COG1: variants seen among roughly 807,000 people sequenced by gnomAD.
The protein encoded by COG1 is component of oligomeric golgi complex 1, also known as conserved oligomeric Golgi complex subunit 1.
Under a neutral mutation model 102.2 loss-of-function variants are expected in COG1, and 61 were observed. That is an observed-to-expected ratio of 0.60 (90% CI 0.49 to 0.74). The LOEUF (loss-of-function observed/expected upper bound fraction) is 0.74, where lower values mean the gene tolerates loss of function less well. Ranked by LOEUF, COG1 falls within the 30% of genes least tolerant of loss-of-function variation. The probability of loss-of-function intolerance (pLI) is 0.00; values close to 1 mark genes in which losing one functional copy is unlikely to be tolerated. For synonymous variants in COG1, 454 were observed against 493.6 expected (o/e 0.92, Z 1.06); for missense variants, 1,164 against 1,232.1 (o/e 0.94, Z 0.83).
rs754593454 is a variant in COG1, at chr17:73,196,706, G to A, written c.515G>A (p.Arg172Gln). The A allele has an allele frequency of 1.8e-5, 29 of 1,613,826 alleles. No homozygotes were observed. The highest frequency in any genetic ancestry group is 1.3e-4 in the South Asian group (12 of 91,080). The part of the protein sequence containing the change: ...SSSRYSPVLS[R>Q]FPILIRQVAA... ...TCCCGATACAGTCCCGTCCTCTCCCGGTTTCCTATACTCATCCGGCAGGTG... is the reference window on the plus strand; with the variant it reads ...TCCCGATACAGTCCCGTCCTCTCCCAGTTTCCTATACTCATCCGGCAGGTG... Residue 172 changes from arginine (R) to glutamine (Q), a missense_variant, in exon 2 of 14, where the codon CGG becomes CAG. By Grantham distance (43) the Arg-to-Gln change is conservative. Coordinates refer to ENST00000299886, the MANE Select transcript of COG1 (RefSeq NM_018714.3).
Position 73,201,148 on chromosome 17 carries a change from T to A in COG1, c.1321T>A (p.Ser441Thr), listed in dbSNP as rs1411899053. 23 of 1,614,206 alleles carry A rather than the reference T, an allele frequency of 1.4e-5. No homozygotes were observed. The highest frequency in any genetic ancestry group is 2.2e-5 in the East Asian group (1 of 44,890). The change falls in exon 7 of 14, where the codon TCC becomes ACC. Residue 441 changes from serine (S) to threonine (T), a missense_variant. Transcript: ENST00000299886. The stretch of plus-strand genomic sequence containing the variant: ...AGGCTTTGACTCCATCTCCAGTAGC[T>A]CCAAGGAGCTCTTGGTTTCAGCTTT... ...KEGFDSISSS[S>T]KELLVSALQE...
Position 73,205,616 on chromosome 17 carries a change from C to G in COG1, c.2446C>G (p.Leu816Val). The G allele has an allele frequency of 6.2e-7, 1 of 1,614,130 alleles. No individual in the cohort carries two copies. The highest frequency in any genetic ancestry group is 2.2e-5 in the East Asian group (1 of 44,882). The change falls in exon 10 of 14, where the codon CTC becomes GTC. Residue 816 changes from leucine (L) to valine (V), a missense_variant. Transcript: ENST00000299886. ...GCAGCTGCTTTATGATCTGCGTTACCTCAACATTGTTCTGACAGCCAAGGG... is the reference window on the plus strand; with the variant it reads ...GCAGCTGCTTTATGATCTGCGTTACGTCAACATTGTTCTGACAGCCAAGGG... ...ALQLLYDLRY[L>V]NIVLTAKGDE...
chr17:73,198,842 CAAAG>C (rs753971674), intron 4 of COG1, among the ~76,000 whole-genome samples: 50 of 152,224 alleles, frequency 3.3e-4, no homozygotes, highest in Non-Finnish European at 6.6e-4. Context: ...GCAAAATTGA[CAAAG>C]GAGATACAGC....
chr17:73,204,319 A>G (rs2061359120), intron 9 of COG1, among the ~76,000 whole-genome samples: 1 of 152,202 alleles, frequency 6.6e-6, no homozygotes, highest in Non-Finnish European at 1.5e-5. Context: ...GTGATCCTGT[A>G]GATAAACCGC....
At chr17:73,208,225 TGTGGACTCCGA>T in intron 13 of COG1, 78 bp from the exon 14 acceptor site, 4 of 1,604,676 alleles carry the variant, frequency 2.5e-6, no homozygotes, top group Non-Finnish European at 3.4e-6. Flanking sequence ...GTGTGTGCCG[TGTGGACTCCGA>T]GTGGCGTCGC....
In COG1 at chr17:73,197,304, A is replaced by C; in HGVS notation, c.821A>C (p.Tyr274Ser). The change falls in exon 4 of 14, where the codon TAC becomes TCC. Residue 274 changes from tyrosine (Y) to serine (S), a missense_variant. Coordinates refer to ENST00000299886, the MANE Select transcript of COG1 (RefSeq NM_018714.3). ...TTLKQAHALF[Y>S]TLPEGLLPDP... ...CTGAAGCAAGCTCATGCCCTTTTCT[A>C]CACTTTGCCAGAAGGACTGCTGCCA... The C allele has an allele frequency of 6.2e-7, 1 of 1,614,198 alleles. No homozygotes were observed. Among genetic ancestry groups the C allele is most frequent in the Non-Finnish European group, 8.5e-7 (1 of 1,180,034 alleles).
At position 73,197,208 on chromosome 17, in the gene COG1, G is replaced by T. The variant is rs766171874; in HGVS notation, c.743-18G>T. 1.9e-6 allele frequency: 3 copies of T among 1,614,230 alleles called. No individual in the cohort carries two copies. The South Asian group carries it at 3.3e-5, about 18-fold the overall frequency. ...TGGGAAAGGTAATTGTTTCAAAGAG[G>T]ATGGTTTCTTCTTTTAGGTGCTGGT... is the stretch of plus-strand genomic sequence containing the variant. On this transcript the variant is annotated intron_variant, in intron 3 of 13. Coordinates refer to ENST00000299886, the MANE Select transcript of COG1 (RefSeq NM_018714.3).
Position 73,193,221 on chromosome 17 carries a change from T to A in COG1, c.152T>A (p.Met51Lys). ...IEHKKEELRQ[M>K]VGERYRDLIE... ...CACAAGAAGGAGGAGCTGCGGCAGA[T>A]GGTGGGCGAACGGTACCGCGACCTG... The change falls in exon 1 of 14, where the codon ATG becomes AAG. Residue 51 changes from methionine (M) to lysine (K), a missense_variant. Met to Lys is a moderately conservative substitution (Grantham distance 95). Transcript: ENST00000299886. 6.2e-7 allele frequency: 1 copy of A among 1,608,936 alleles called. No homozygotes were observed. The highest frequency in any genetic ancestry group is 1.7e-4 in the Middle Eastern group (1 of 5,976).
At chr17:73,200,094 G>A (rs2061340877) in intron 5 of COG1, 73 bp downstream of exon 5, 1 of 1,518,600 alleles carries the variant, frequency 6.6e-7, no homozygotes. Flanking sequence ...GCATTACAAG[G>A]GTCAGCGAGG....
At chr17:73,200,899 G>A in intron 6 of COG1, 123 bp downstream of exon 6, 1 of 1,019,270 alleles carries the variant, frequency 9.8e-7, no homozygotes, top group Admixed American at 1.9e-5. Context: ...CAGATCCAGA[G>A]TCTAGAGCTG....
intron 11 of COG1, 67 bp from the exon 12 acceptor site, chr17:73,206,638 CTTT>C (rs75205063): frequency 7.5e-3 from 5,978 of 799,848 alleles, no homozygotes; most frequent in Non-Finnish European, 8.3e-3. Context: ...GGTGACTAAC[CTTT>C]TTTTTTTTTT....
rs556003724 is a variant in COG1 at position 73,200,809 on chromosome 17, T to C, written c.1281+33T>C. ...GGACAGTCACATGGTCTACCTGTTT[T>C]ATGGCCAATCCTAGTGGTATTTTGA... On this transcript the variant is annotated intron_variant, in intron 6 of 13. Transcript: ENST00000299886. The C allele has an allele frequency of 1.0e-5, 16 of 1,569,904 alleles. No homozygotes were observed. In the Admixed American group the frequency reaches 1.7e-4, roughly 16 times the overall value.
intron 7 of COG1, among the ~76,000 whole-genome samples, chr17:73,202,196 G>A (rs543491397): frequency 1.4e-4 from 21 of 152,172 alleles, no homozygotes; most frequent in Non-Finnish European, 2.6e-4. Context: ...AAAATTAGCC[G>A]GGCATGGTGG....
rs1297249126 is a variant in COG1 at position 73,198,631 on chromosome 17, C to CGATGG, written c.914-1234_914-1233insGATGG. The stretch of plus-strand genomic sequence containing the variant: ...AACGTTGCATTGGCGATGGCTGAGG[C>CGATGG]CTTGGAATGGGACTGTGAAGCGGGC... On this transcript the variant is annotated intron_variant, in intron 4 of 13. Transcript: ENST00000299886. Among the ~76,000 whole-genome samples, 856 of 152,246 alleles carry CGATGG rather than the reference C, an allele frequency of 5.6e-3. 11 individuals carry two copies. Among genetic ancestry groups the CGATGG allele is most frequent in the African/African-American group, 0.019 (809 of 41,540 alleles).
Position 73,201,690 on chromosome 17 carries a change from G to T in COG1, c.1863G>T (p.Leu621=). 6.2e-7 allele frequency: 1 copy of T among 1,614,208 alleles called. No individual in the cohort carries two copies. Residue 621 remains leucine (L), a synonymous_variant, in exon 7 of 14, where the codon CTG becomes CTT. Coordinates refer to ENST00000299886, the MANE Select transcript of COG1 (RefSeq NM_018714.3). The part of the protein sequence containing the change: ...VLFMARLCQS[L]GELCPHLKQC... ...TCATGGCCAGACTCTGCCAGTCCCT[G>T]GGAGAGCTGTGCCCCCATCTGAAGC...
chr17:73,195,595 C>T (rs1009042147), intron 1 of COG1, among the ~76,000 whole-genome samples: 1 of 124,982 alleles, frequency 8.0e-6, no homozygotes, highest in African/African-American at 3.1e-5. Flanking sequence ...GCCTGGGCAA[C>T]AAAGTGAGAT....
At chr17:73,194,290 A>G (rs2061316282) in intron 1 of COG1, among the ~76,000 whole-genome samples, 1 of 146,992 alleles carries the variant, frequency 6.8e-6, no homozygotes, top group Admixed American at 6.8e-5. Flanking sequence ...AAAATACACA[A>G]AATTAGCCAG....
rs554598057 is a variant in COG1, at chr17:73,206,966, G to A, written c.2729+149G>A. On this transcript the variant is annotated intron_variant, in intron 12 of 13. Transcript: ENST00000299886. ...AAAATTAGCTGGCCTGGTGGCAGGT[G>A]CCTATAGTCCCAGCTATTCAGGAGG... is the stretch of plus-strand genomic sequence containing the variant. 18 of 722,240 alleles carry A rather than the reference G, an allele frequency of 2.5e-5. No homozygotes were observed. In the African/African-American group the frequency reaches 2.8e-4, roughly 11 times the overall value. The allele number at this position is 722,240 out of a possible 1,614,324, so 44.7% of individuals were successfully genotyped here. A position where few individuals can be genotyped will look rare whatever the true frequency, so the allele number is the denominator to read the frequency against.
chr17:73,201,910 G>A lies in COG1; in HGVS notation c.2073+10G>A. On this transcript the variant is annotated intron_variant, in intron 7 of 13. Coordinates refer to ENST00000299886, the MANE Select transcript of COG1 (RefSeq NM_018714.3). ...CAGTGCAGTTGTGAAAGTGAGTGAT[G>A]TAATTTCTTATCCCTGTCTTGTCTC... is the stretch of plus-strand genomic sequence containing the variant. 1 of 1,613,104 alleles carries A rather than the reference G, an allele frequency of 6.2e-7. No homozygotes were observed. Among genetic ancestry groups the A allele is most frequent in the Non-Finnish European group, 8.5e-7 (1 of 1,179,348 alleles).
Sources: allele counts gnomAD v4.1 joint callset (sites outside exome capture counted in the v4.1 genomes callset), GRCh38; gene constraint gnomAD v4.1.1; transcripts MANE v1.5; gene names NCBI Gene and HGNC (gene_info 2026-07-23, HGNC 2026-07-21).